The following HSF2 variants were observed in gnomAD, a reference collection of about 807,000 sequenced individuals.
HSF2 encodes heat shock factor protein 2.
HSF2 carries 21 observed loss-of-function variants against 65.0 expected under a neutral mutation model. The observed-to-expected ratio is 0.32, with a 90% confidence interval of 0.23 to 0.47. The LOEUF is 0.47. Ranked by LOEUF, HSF2 falls within the 20% of genes least tolerant of loss-of-function variation. The pLI is 1.00. For missense variants in HSF2, 499 were observed against 628.1 expected (o/e 0.79, Z 2.20); for synonymous variants, 225 against 219.1 (o/e 1.03, Z -0.24).
chr6:122,407,113 G>A (rs1773883987), intron 1 of HSF2, among the ~76,000 whole-genome samples: 1 of 152,210 alleles, frequency 6.6e-6, no homozygotes, highest in African/African-American at 2.4e-5. Context: ...AGCCAGCAAA[G>A]GAGGCTGAGA....
intron 11 of HSF2, 25 bp from the exon 12 acceptor site, chr6:122,431,405 T>TTATA (rs2243363): frequency 4.5e-5 from 47 of 1,050,576 alleles, no homozygotes; most frequent in South Asian, 9.7e-5. Context: ...AAACAAGTAC[T>TTATA]TATATATATA....
intron 1 of HSF2, among the ~76,000 whole-genome samples, chr6:122,401,241 C>G (rs927606957): frequency 6.6e-6 from 1 of 152,134 alleles, no homozygotes; most frequent in African/African-American, 2.4e-5. Flanking sequence ...AGAAAGCCAG[C>G]CACTAGCATG....
At position 122,427,921 on chromosome 6, in the gene HSF2, C is replaced by G. The variant is rs1774373312; in HGVS notation, c.1195C>G (p.Gln399Glu). 1.2e-6 allele frequency: 2 copies of G among 1,600,540 alleles called. No individual in the cohort carries two copies. Among genetic ancestry groups the G allele is most frequent in the Non-Finnish European group, 1.7e-6 (2 of 1,169,716 alleles). The part of the protein sequence containing the change: ...LLVDLFTSSV[Q>E]MNPTDYINNT... ...CTTTCAGCTTTTCACTAGTTCTGTGCAGATGAATCCCACAGATTACATCAA... is the reference window on the plus strand; with the variant it reads ...CTTTCAGCTTTTCACTAGTTCTGTGGAGATGAATCCCACAGATTACATCAA... The change falls in exon 11 of 13, where the codon CAG (glutamine) becomes GAG (glutamate). Residue 399 changes from glutamine (Q) to glutamate (E), a missense_variant. Physicochemically the swap from Gln to Glu is conservative, Grantham distance 29. Around this residue, in one of 2 missense-constraint regions of HSF2, gnomAD observed 349 missense variants for 393.5 expected, o/e 0.89. Transcript: ENST00000368455.
intron 5 of HSF2, among the ~76,000 whole-genome samples, chr6:122,416,892 T>C (rs183705172): frequency 1.9e-4 from 29 of 152,324 alleles, no homozygotes; most frequent in Admixed American, 7.2e-4. Flanking sequence ...GATTTAATCT[T>C]TGCATATCAG....
At chr6:122,411,993 C>G (rs1305808114) in intron 1 of HSF2, among the ~76,000 whole-genome samples, 1 of 151,734 alleles carries the variant, frequency 6.6e-6, no homozygotes, top group Non-Finnish European at 1.5e-5. Context: ...ATGGTACTTC[C>G]TCTCAAAATC....
intron 10 of HSF2, among the ~76,000 whole-genome samples, chr6:122,426,950 T>C (rs1426281925): frequency 6.6e-6 from 1 of 152,086 alleles, no homozygotes; most frequent in Non-Finnish European, 1.5e-5. Context: ...TCTTTGTTGA[T>C]GCCGCTAGTA....
intron 1 of HSF2, among the ~76,000 whole-genome samples, chr6:122,407,217 C>T (rs529351730): frequency 6.6e-6 from 1 of 152,288 alleles, no homozygotes; most frequent in South Asian, 2.1e-4. Context: ...GTGTCACATG[C>T]TGTTAGGAAT....
Position 122,432,334 on chromosome 6 carries a change from C to A in HSF2, c.*114C>A. 1 of 865,926 alleles carries A rather than the reference C, an allele frequency of 1.2e-6. No individual in the cohort carries two copies. The highest frequency in any genetic ancestry group is 1.8e-6 in the Non-Finnish European group (1 of 564,850). 53.6% of individuals were successfully genotyped at this position (865,926 alleles called of 1,614,324 possible). On this transcript the variant is annotated 3_prime_UTR_variant, in exon 13 of 13. Transcript: ENST00000368455. ...TTGCTTTGTTTTGTTTAATCAGATA[C>A]TGTGGAATAAAAGCACCTTTTGCTT...
intron 1 of HSF2, among the ~76,000 whole-genome samples, chr6:122,403,203 T>C (rs1310171691): frequency 6.6e-6 from 1 of 152,158 alleles, no homozygotes; most frequent in African/African-American, 2.4e-5. Context: ...AAATAATACC[T>C]CTCACCATTA....
rs1475772112 is a variant in HSF2, at chr6:122,414,086, A to G, written c.455+437A>G. ...TTTGTGTGGACTCTTAGGAAAAAGT[A>G]GGACACAAAAAAATCGGAAAACGAT... On this transcript the variant is annotated intron_variant, in intron 4 of 12. Transcript: ENST00000368455. 3.3e-5 allele frequency among the ~76,000 whole-genome samples: 5 copies of G among 152,156 alleles called. No homozygotes were observed. The East Asian group carries it at 9.6e-4, about 29-fold the overall frequency.
intron 1 of HSF2, among the ~76,000 whole-genome samples, chr6:122,409,996 C>T (rs1277103724): frequency 6.6e-6 from 1 of 151,888 alleles, no homozygotes; most frequent in African/African-American, 2.4e-5. Context: ...TTCATCTGTC[C>T]TCTCTAGTCA....
rs370123927 is a variant in HSF2 at position 122,422,204 on chromosome 6, A to G, written c.736A>G (p.Ile246Val). Residue 246 changes from isoleucine (I) to valine (V), a missense_variant, in exon 8 of 13, where the codon ATC (isoleucine) becomes GTC (valine). By Grantham distance (29) the Ile-to-Val change is conservative (BLOSUM62 3). This residue lies in a region of HSF2 where 349 missense variants were observed against 393.5 expected (regional missense o/e 0.89). Transcript: ENST00000368455. ...LKPRERISDDIIIYDVTDDNA... is the reference protein window; with the variant it reads ...LKPRERISDDVIIYDVTDDNA... ...GCCAAGGGAGAGGATTTCAGATGACATCATTATTTATGATGTTACTGATGA... is the reference window on the plus strand; with the variant it reads ...GCCAAGGGAGAGGATTTCAGATGACGTCATTATTTATGATGTTACTGATGA... 10 of 1,601,790 alleles carry G rather than the reference A, an allele frequency of 6.2e-6. No individual in the cohort carries two copies. The highest frequency in any genetic ancestry group is 4.0e-5 in the African/African-American group (3 of 74,634).
intron 1 of HSF2, among the ~76,000 whole-genome samples, chr6:122,409,185 A>G (rs1207146470): frequency 3.3e-5 from 5 of 151,994 alleles, no homozygotes; most frequent in Admixed American, 3.3e-4. Context: ...TGATAGGTGG[A>G]AGAAAATTGA....
chr6:122,412,179 C>G (rs962983902), intron 1 of HSF2, among the ~76,000 whole-genome samples, 194 bp from the exon 2 acceptor site: 1 of 151,852 alleles, frequency 6.6e-6, no homozygotes, highest in African/African-American at 2.4e-5. Flanking sequence ...AGGTTGACAT[C>G]AAAAAGCTTA....
At chr6:122,417,512 G>T (rs1218445660) in intron 5 of HSF2, among the ~76,000 whole-genome samples, 1 of 152,070 alleles carries the variant, frequency 6.6e-6, no homozygotes, top group African/African-American at 2.4e-5. Context: ...GTGCTTTGGT[G>T]AGTGGTGTTT....
At position 122,432,225 on chromosome 6, in the gene HSF2, C is replaced by T; in HGVS notation, c.*5C>T. The T allele has an allele frequency of 6.2e-7, 1 of 1,601,160 alleles. No homozygotes were observed. On this transcript the variant is annotated 3_prime_UTR_variant, in exon 13 of 13. Coordinates refer to ENST00000368455, the MANE Select transcript of HSF2 (RefSeq NM_004506.4). ...ATGCCACTTTTAGATAGCTAAATCC[C>T]CAGGAAGTGGACTTTACATGTATAT...
At chr6:122,423,026 C>T in intron 9 of HSF2, 69 bp downstream of exon 9, 1 of 1,545,540 alleles carries the variant, frequency 6.5e-7, no homozygotes. Flanking sequence ...TTCTGTTTCT[C>T]TTTGAGTAAT....
chr6:122,416,180 G>T, intron 4 of HSF2, 41 bp from the exon 5 acceptor site: 1 of 1,273,780 alleles, frequency 7.9e-7, no homozygotes, highest in Non-Finnish European at 1.1e-6. Flanking sequence ...TTTTTTGATT[G>T]ATTTTTTTTT....
rs149578348 is a variant in HSF2, at chr6:122,431,405, T to TTG, written c.1231-24_1231-23insGT. On this transcript the variant is annotated intron_variant, in intron 11 of 12. Coordinates refer to ENST00000368455, the MANE Select transcript of HSF2 (RefSeq NM_004506.4). ...GAAACATAAAATATGAAACAAGTAC[T>TTG]TATATATATATTTTTTTCTTTTAGT... The TTG allele has an allele frequency of 2.7e-5, 28 of 1,051,156 alleles. 1 individual carries two copies. In the East Asian group the frequency reaches 7.5e-4, roughly 28 times the overall value. 65.1% of individuals were successfully genotyped at this position (1,051,156 alleles called of 1,614,324 possible). A position where few individuals can be genotyped will look rare whatever the true frequency, so the allele number is the denominator to read the frequency against.
Sources: gnomAD v4.1 joint callset for allele counts (sites outside exome capture counted in the v4.1 genomes callset) on GRCh38, gnomAD v4.1.1 for gene constraint, gnomAD v4.1.1 regional missense constraint, MANE v1.5 for transcripts, NCBI Gene and HGNC (gene_info 2026-07-23, HGNC 2026-07-21) for gene names.